Variants in KCNIP1 observed in about 807,000 individuals in gnomAD.
KCNIP1 encodes potassium voltage-gated channel interacting protein 1, also known as A-type potassium channel modulatory protein KCNIP1.
A neutral mutation model predicts 33.0 loss-of-function variants in KCNIP1; 18 were observed. The observed-to-expected ratio is 0.55, with a 90% CI of 0.38 to 0.81. The LOEUF (loss-of-function observed/expected upper bound fraction) is 0.81. KCNIP1 is among the 30% of genes least tolerant of loss of function. KCNIP1 has a pLI of 0.00. For missense variants in KCNIP1, 238 were observed against 271.6 expected, an observed-to-expected ratio of 0.88 and a Z score of 0.87; for synonymous variants, 93 against 98.3, an observed-to-expected ratio of 0.95 and a Z score of 0.32.
intron 1 of KCNIP1, among the ~76,000 whole-genome samples, chr5:170,609,633 G>T (rs1460834676): frequency 6.6e-6 from 1 of 151,994 alleles, no homozygotes; most frequent in African/African-American, 2.4e-5. Context: ...TTGAGGCCAG[G>T]AGTTCAAGAC....
At chr5:170,631,519 C>T (rs189240957) in intron 1 of KCNIP1, among the ~76,000 whole-genome samples, 106 of 152,264 alleles carry the variant, frequency 7.0e-4, no homozygotes, top group Non-Finnish European at 1.2e-3. Flanking sequence ...GCAAAAGAAA[C>T]GCAGGGGCTT....
chr5:170,409,704 C>CA (rs1247575512), intron 1 of KCNIP1, among the ~76,000 whole-genome samples: 18 of 152,188 alleles, frequency 1.2e-4, no homozygotes, highest in Admixed American at 6.5e-4. Flanking sequence ...CCACCGACAG[C>CA]AGGGTGTCTT....
intron 1 of KCNIP1, among the ~76,000 whole-genome samples, chr5:170,617,649 C>T (rs1402053647): frequency 6.6e-6 from 1 of 152,200 alleles, no homozygotes; most frequent in South Asian, 2.1e-4. Context: ...GCACCATCTG[C>T]TCTTAAAGAG....
At chr5:170,683,827 G>A (rs573949160) in intron 1 of KCNIP1, among the ~76,000 whole-genome samples, 28 of 151,310 alleles carry the variant, frequency 1.9e-4, no homozygotes, top group African/African-American at 6.6e-4. Context: ...GGACTCAAGC[G>A]ATTCTCCTCA....
intron 1 of KCNIP1, among the ~76,000 whole-genome samples, chr5:170,367,411 A>AAGAC: frequency 9.1e-6 from 1 of 110,408 alleles, no homozygotes; most frequent in African/African-American, 3.4e-5. Context: ...GAAAGAAAGA[A>AAGAC]AGAAAGAAAG....
At chr5:170,673,217 C>T (rs1050792130) in intron 1 of KCNIP1, among the ~76,000 whole-genome samples, 6 of 152,240 alleles carry the variant, frequency 3.9e-5, no homozygotes, top group African/African-American at 1.4e-4. Flanking sequence ...TAGGAGTCCT[C>T]CCCTCTTGGG....
chr5:170,493,635 C>T (rs570063498), intron 1 of KCNIP1, among the ~76,000 whole-genome samples: 5 of 152,258 alleles, frequency 3.3e-5, no homozygotes, highest in South Asian at 4.1e-4. Context: ...TGAAGTAGAC[C>T]GTGACTCCTC....
intron 1 of KCNIP1, among the ~76,000 whole-genome samples, chr5:170,465,317 T>A (rs186934596): frequency 9.7e-4 from 147 of 152,316 alleles, no homozygotes; most frequent in African/African-American, 3.3e-3. Context: ...CTGCCCCTTA[T>A]CAGAGGCTAT....
At chr5:170,410,449 T>C (rs1161088116) in intron 1 of KCNIP1, among the ~76,000 whole-genome samples, 2 of 151,934 alleles carry the variant, frequency 1.3e-5, no homozygotes, top group Non-Finnish European at 2.9e-5. Flanking sequence ...GCAGACATAG[T>C]GCAGGGGCAC....
rs148928445 is a variant in KCNIP1, at chr5:170,530,140, T to G, written c.61+25507T>G. ...ATTTATTGTTTACCACTCTGGCACC[T>G]AGTACACTGCCTGGCACAGAGTAGG... On this transcript the variant is annotated intron_variant, in intron 1 of 7. Coordinates refer to ENST00000328939, the MANE Select transcript of KCNIP1 (RefSeq NM_014592.4). Among the ~76,000 whole-genome samples, 708 of 152,292 alleles carry G rather than the reference T, an allele frequency of 4.6e-3. 3 individuals carry two copies. The highest frequency in any genetic ancestry group is 8.0e-3 in the Non-Finnish European group (541 of 68,024).
At chr5:170,685,940 A>G (rs1762522471) in intron 1 of KCNIP1, among the ~76,000 whole-genome samples, 1 of 152,196 alleles carries the variant, frequency 6.6e-6, no homozygotes, top group East Asian at 1.9e-4. Context: ...TTTTAATGAC[A>G]TTTCCTTTTT....
At chr5:170,476,886 C>T (rs927201747) in intron 1 of KCNIP1, among the ~76,000 whole-genome samples, 1 of 152,142 alleles carries the variant, frequency 6.6e-6, no homozygotes, top group Non-Finnish European at 1.5e-5. Context: ...AGCACAGAGA[C>T]AGTTTGGGAA....
chr5:170,626,470 G>A (rs772768533), intron 1 of KCNIP1, among the ~76,000 whole-genome samples: 17 of 152,210 alleles, frequency 1.1e-4, no homozygotes, highest in South Asian at 2.1e-4. Context: ...CAGCCAGTAC[G>A]CCTGGACACC....
At chr5:170,547,224 G>A (rs1756445311) in intron 1 of KCNIP1, among the ~76,000 whole-genome samples, 1 of 152,130 alleles carries the variant, frequency 6.6e-6, no homozygotes, top group East Asian at 1.9e-4. Context: ...TTCTGGAATT[G>A]TTCTTCCACA....
chr5:170,400,845 C>T (rs953808455), intron 1 of KCNIP1, among the ~76,000 whole-genome samples: 2 of 152,206 alleles, frequency 1.3e-5, no homozygotes, highest in African/African-American at 4.8e-5. Context: ...TAACTTTAAG[C>T]CATTCGATAC....
Position 170,722,708 on chromosome 5 carries a change from C to T in KCNIP1, c.328-5C>T, listed in dbSNP as rs749623035. ...TAATGTCACTCTGCCTTTTCCCCTT[C>T]TCAGGACTTTGTAACCGCTCTGTCG... is the stretch of plus-strand genomic sequence containing the variant. On this transcript the variant is annotated splice_region_variant and splice_polypyrimidine_tract_variant and intron_variant, in intron 4 of 7. Coordinates refer to ENST00000328939, the MANE Select transcript of KCNIP1 (RefSeq NM_014592.4). 2.6e-5 allele frequency: 41 copies of T among 1,601,470 alleles called. No individual in the cohort carries two copies. In the Admixed American group the frequency reaches 6.3e-4, roughly 25 times the overall value.
At chr5:170,527,311 T>A (rs1755616044) in intron 1 of KCNIP1, among the ~76,000 whole-genome samples, 1 of 152,032 alleles carries the variant, frequency 6.6e-6, no homozygotes, top group Non-Finnish European at 1.5e-5. Context: ...GAGACTTGAG[T>A]CAACTAAGCA....
chr5:170,425,994 A>C (rs1487300554), intron 1 of KCNIP1, among the ~76,000 whole-genome samples: 1 of 152,038 alleles, frequency 6.6e-6, no homozygotes, highest in East Asian at 1.9e-4. Context: ...GCAGCTTTTG[A>C]GGTAGTGGCC....
At chr5:170,705,943 T>A (rs1763244180) in intron 1 of KCNIP1, among the ~76,000 whole-genome samples, 1 of 152,224 alleles carries the variant, frequency 6.6e-6, no homozygotes, top group African/African-American at 2.4e-5. Context: ...ACATACCTTA[T>A]CTCACTTAGA....
Sources: allele counts gnomAD v4.1 joint callset (sites outside exome capture counted in the v4.1 genomes callset), GRCh38; gene constraint gnomAD v4.1.1; transcripts MANE v1.5; gene names NCBI Gene and HGNC (gene_info 2026-07-23, HGNC 2026-07-21).